The following CCDC13 variants were observed in gnomAD, a reference collection of about 807,000 sequenced individuals.
The protein encoded by CCDC13 is coiled-coil domain containing 13, also known as coiled-coil domain-containing protein 13.
A neutral mutation model predicts 87.3 loss-of-function variants in CCDC13; 70 were observed. That is an observed-to-expected ratio of 0.80 (90% CI 0.66 to 0.98). The LOEUF is 0.98. Among genes scored for constraint, CCDC13 ranks in the 50% least tolerant of loss-of-function variants. CCDC13 has a pLI of 0.00. For missense variants in CCDC13, 842 were observed against 892.0 expected (o/e 0.94, Z 0.71); for synonymous variants, 317 against 360.3 (o/e 0.88, Z 1.36).
intron 3 of CCDC13, among the ~76,000 whole-genome samples, chr3:42,756,068 T>G (rs1237145564): frequency 6.6e-6 from 1 of 152,210 alleles, no homozygotes; most frequent in African/African-American, 2.4e-5. Flanking sequence ...AAATTCCCCT[T>G]GCTTTGTAAT....
chr3:42,735,787 C>T lies in CCDC13; in HGVS notation c.1291G>A (p.Ala431Thr), dbSNP rs369300600. The T allele has an allele frequency of 3.1e-6, 5 of 1,614,116 alleles. No homozygotes were observed. The highest frequency in any genetic ancestry group is 4.5e-5 in the East Asian group (2 of 44,898). Residue 431 changes from alanine to threonine, a missense_variant, in exon 10 of 16, where the codon GCC becomes ACC. Physicochemically the swap from Ala to Thr is moderately conservative, Grantham distance 58. Coordinates refer to ENST00000310232, the MANE Select transcript of CCDC13 (RefSeq NM_144719.4). ...TCAGCTACCATGGCCTGCAGCTGGG[C>T]GACTAGGCTGTTGCTCCGCTGAGCC... Reference protein sequence around the residue: ...SEAQRSNSLVAQLQAMVAERE... With the variant: ...SEAQRSNSLVTQLQAMVAERE...
At chr3:42,744,989 A>C (rs1406809427) in intron 7 of CCDC13, 1 of 152,174 alleles carries the variant, frequency 6.6e-6, no homozygotes, top group East Asian at 1.9e-4. Flanking sequence ...GCCCAAGGTC[A>C]GAGTTGGCAG....
At position 42,713,341 on chromosome 3, in the gene CCDC13, C is replaced by T. The variant is rs778795529; in HGVS notation, c.1719-25G>A. The T allele has an allele frequency of 3.7e-6, 6 of 1,610,970 alleles. No individual in the cohort carries two copies. In the South Asian group the frequency reaches 5.5e-5, roughly 15 times the overall value. ...CCTGGTGATTAGAGAGGAGGGGATG[C>T]TACATGCCCTGGCAGGCAGGGGCAG... On this transcript the variant is annotated intron_variant, in intron 13 of 15. Coordinates refer to ENST00000310232, the MANE Select transcript of CCDC13 (RefSeq NM_144719.4).
intron 1 of CCDC13, among the ~76,000 whole-genome samples, chr3:42,758,793 A>G (rs1157224925): frequency 6.6e-6 from 1 of 152,128 alleles, no homozygotes; most frequent in Non-Finnish European, 1.5e-5. Context: ...TTCACATGCA[A>G]TAAAGTACAT....
intron 13 of CCDC13, among the ~76,000 whole-genome samples, chr3:42,725,651 C>T (rs1698670005): frequency 6.6e-6 from 1 of 151,928 alleles, no homozygotes; most frequent in Non-Finnish European, 1.5e-5. Context: ...AAGCACCAAT[C>T]ATGTGAAACT....
At chr3:42,746,950 T>G (rs1279071276) in intron 6 of CCDC13, 1 of 486,768 alleles carries the variant, frequency 2.1e-6, no homozygotes, top group Non-Finnish European at 3.8e-6. Context: ...AGGGAAGGCT[T>G]AATGGACTCT....
At position 42,739,665 on chromosome 3, in the gene CCDC13, C is replaced by T. The variant is rs550447543; in HGVS notation, c.1133G>A (p.Arg378Gln). ...GGCGTCGATGAGCTCGTCATCATGC[C>T]GGCCCTTCTCCACCAGGGTTCCCAT... ...SQMGTLVEKG[R>Q]HDDELIDALM... Residue 378 changes from arginine to glutamine, a missense_variant, in exon 9 of 16, where the codon CGG (arginine) becomes CAG (glutamine). Coordinates refer to ENST00000310232, the MANE Select transcript of CCDC13 (RefSeq NM_144719.4). 765 of 1,614,142 alleles carry T rather than the reference C, an allele frequency of 4.7e-4. 12 individuals carry two copies. The South Asian group carries it at 7.5e-3, about 16-fold the overall frequency.
chr3:42,732,197 C>A (rs1252554923), intron 12 of CCDC13, among the ~76,000 whole-genome samples: 2 of 152,320 alleles, frequency 1.3e-5, no homozygotes, highest in East Asian at 3.9e-4. Context: ...GGCCCACAGA[C>A]CCTATGCTGC....
intron 14 of CCDC13, among the ~76,000 whole-genome samples, chr3:42,711,772 G>C (rs1698319007): frequency 6.6e-6 from 1 of 152,196 alleles, no homozygotes; most frequent in Non-Finnish European, 1.5e-5. Context: ...GTGGTGCTCT[G>C]CTCACCAGAG....
At chr3:42,772,580 G>C (rs1359336390) in intron 1 of CCDC13, among the ~76,000 whole-genome samples, 1 of 152,126 alleles carries the variant, frequency 6.6e-6, no homozygotes, top group Non-Finnish European at 1.5e-5. Context: ...AACAGTCTAG[G>C]GGCCTGGAGG....
Position 42,773,188 on chromosome 3 carries a change from C to G in CCDC13, c.-19G>C, listed in dbSNP as rs1292099309. On this transcript the variant is annotated 5_prime_UTR_variant, in exon 1 of 16. Coordinates refer to ENST00000310232, the MANE Select transcript of CCDC13 (RefSeq NM_144719.4). ...CCCCGGCACTTACAGCGGTCTCTCT[C>G]CACTTCTCCCTTCTAGGACCGCGGC... is the stretch of plus-strand genomic sequence containing the variant. 1 of 152,262 alleles carries G rather than the reference C, an allele frequency of 6.6e-6. No individual in the cohort carries two copies. Among genetic ancestry groups the G allele is most frequent in the Non-Finnish European group, 1.5e-5 (1 of 68,072 alleles). 9.4% of individuals were successfully genotyped at this position (152,262 alleles called of 1,614,324 possible).
intron 13 of CCDC13, among the ~76,000 whole-genome samples, chr3:42,723,957 C>A (rs1300634906): frequency 6.6e-6 from 1 of 151,908 alleles, no homozygotes; most frequent in Non-Finnish European, 1.5e-5. Context: ...AAAAAATTTA[C>A]AACAAATTAA....
intron 12 of CCDC13, among the ~76,000 whole-genome samples, chr3:42,732,106 T>A (rs1209111425): frequency 6.6e-6 from 1 of 152,212 alleles, no homozygotes; most frequent in African/African-American, 2.4e-5. Flanking sequence ...CTAAGGAGCG[T>A]GGCACATGCC....
chr3:42,771,590 A>G (rs1700109753), intron 1 of CCDC13, among the ~76,000 whole-genome samples: 2 of 152,302 alleles, frequency 1.3e-5, no homozygotes, highest in East Asian at 3.9e-4. Flanking sequence ...CCATAGCTTT[A>G]CAAAAAATAA....
intron 9 of CCDC13, among the ~76,000 whole-genome samples, chr3:42,739,186 A>C (rs1439704273): frequency 3.3e-5 from 5 of 152,210 alleles, no homozygotes; most frequent in African/African-American, 7.2e-5. Context: ...CCATCTGTGA[A>C]GTGGGATTAA....
chr3:42,719,385 C>CTTTCTCTT (rs59337781), intron 13 of CCDC13: 1 of 10,602 alleles, frequency 9.4e-5, no homozygotes, highest in African/African-American at 1.6e-4. Flanking sequence ...GTGCTTTCCT[C>CTTTCTCTT]TCTCTCTCTC....
Position 42,732,914 on chromosome 3 carries a change from AGGGAAGGC to A in CCDC13, c.1560_1567del (p.Arg520SerfsTer10). ...AGGTGAGGTCCTGTGGGGACTGGGC[AGGGAAGGC>A]CTCGTGAGAGCAGATTCCACCAGTG... On this transcript the variant is annotated frameshift_variant, in exon 12 of 16. Transcript: ENST00000310232. LOFTEE classifies it high-confidence loss of function. The A allele has an allele frequency of 6.4e-7, 1 of 1,554,300 alleles. No individual in the cohort carries two copies. The highest frequency in any genetic ancestry group is 8.7e-7 in the Non-Finnish European group (1 of 1,148,172).
In CCDC13 at chr3:42,758,141, T is replaced by G; in HGVS notation, c.205A>C (p.Asn69His). 6.2e-7 allele frequency: 1 copy of G among 1,613,762 alleles called. No homozygotes were observed. Among genetic ancestry groups the G allele is most frequent in the South Asian group, 1.1e-5 (1 of 91,064 alleles). Residue 69 changes from asparagine to histidine, a missense_variant, in exon 2 of 16, where the codon AAT becomes CAT. By Grantham distance (68) the Asn-to-His change is moderately conservative. Transcript: ENST00000310232. Reference protein sequence around the residue: ...LLHAGEPNSKNSFEKRVLEDE... With the variant: ...LLHAGEPNSKHSFEKRVLEDE... The stretch of plus-strand genomic sequence containing the variant: ...TGCATTTACCTCTTCTCAAAGCTAT[T>G]TTTCGAGTTTGGCTCCCCTGCGTGG...
chr3:42,762,689 C>A (rs1194366661), intron 1 of CCDC13, among the ~76,000 whole-genome samples: 1 of 152,182 alleles, frequency 6.6e-6, no homozygotes, highest in Non-Finnish European at 1.5e-5. Flanking sequence ...CTGGACTCTG[C>A]CCTATGTGTC....
Sources: gnomAD v4.1 joint callset for allele counts (sites outside exome capture counted in the v4.1 genomes callset) on GRCh38, gnomAD v4.1.1 for gene constraint, MANE v1.5 for transcripts, NCBI Gene and HGNC (gene_info 2026-07-23, HGNC 2026-07-21) for gene names.